Variants in TNFRSF21 observed in about 807,000 individuals in gnomAD.
The protein encoded by TNFRSF21 is tumor necrosis factor receptor superfamily member 21.
In TNFRSF21, 19 loss-of-function variants were observed where a neutral mutation model predicts 45.6. The ratio of observed to expected loss-of-function variants is 0.42; its 90% confidence interval spans 0.29 to 0.61. TNFRSF21 has a LOEUF of 0.61. Ranked by LOEUF, TNFRSF21 falls within the 20% of genes least tolerant of loss-of-function variation. The probability of loss-of-function intolerance (pLI) is 0.23; values close to 1 mark genes in which losing one functional copy is unlikely to be tolerated. For synonymous variants in TNFRSF21, 314 were observed against 335.5 expected, an observed-to-expected ratio of 0.94 and a Z score of 0.70; for missense variants, 737 against 851.5, an observed-to-expected ratio of 0.87 and a Z score of 1.67.
intron 4 of TNFRSF21, 58 bp from the exon 5 acceptor site, chr6:47,234,956 A>C (rs1764645169): frequency 8.7e-6 from 9 of 1,034,386 alleles, no homozygotes; most frequent in East Asian, 3.2e-5. Flanking sequence ...TAAAATTAAA[A>C]TCCCTCCTCA....
chr6:47,278,399 T>A (rs1042367960), intron 3 of TNFRSF21, among the ~76,000 whole-genome samples: 1 of 152,234 alleles, frequency 6.6e-6, no homozygotes, highest in African/African-American at 2.4e-5. Flanking sequence ...ATGTCCTTTA[T>A]CTGTCCTATC....
chr6:47,266,238 A>G (rs752451628), intron 3 of TNFRSF21, among the ~76,000 whole-genome samples: 22 of 152,320 alleles, frequency 1.4e-4, no homozygotes, highest in South Asian at 2.1e-4. Flanking sequence ...ACGACCCCCA[A>G]TAAAGACAAA....
Position 47,286,606 on chromosome 6 carries a change from C to T in TNFRSF21, c.97-11G>A. ...GCTAAGGAATCCAAGCTGAAAGAAA[C>T]AGAAGGGGAGGGAAAGGAACAAAAA... On this transcript the variant is annotated splice_polypyrimidine_tract_variant and intron_variant, in intron 1 of 5. Coordinates refer to ENST00000296861, the MANE Select transcript of TNFRSF21 (RefSeq NM_014452.5). The T allele has an allele frequency of 6.3e-7, 1 of 1,588,490 alleles. No individual in the cohort carries two copies. The highest frequency in any genetic ancestry group is 8.6e-7 in the Non-Finnish European group (1 of 1,163,194).
Position 47,232,673 on chromosome 6 carries a change from A to C in TNFRSF21, c.*92T>G, listed in dbSNP as rs999910152. ...CACACACACACAAACACACACACAC[A>C]CCCCAAACAACAAAAATCAGAAACA... is the stretch of plus-strand genomic sequence containing the variant. On this transcript the variant is annotated 3_prime_UTR_variant, in exon 6 of 6. Transcript: ENST00000296861. 24 of 1,132,958 alleles carry C rather than the reference A, an allele frequency of 2.1e-5. No homozygotes were observed. Among genetic ancestry groups the C allele is most frequent in the South Asian group, 8.4e-5 (6 of 71,412 alleles). The allele number at this position is 1,132,958 out of a possible 1,614,324, so 70.2% of individuals were successfully genotyped here.
intron 3 of TNFRSF21, among the ~76,000 whole-genome samples, chr6:47,268,141 G>T (rs1376528892): frequency 1.3e-5 from 2 of 152,226 alleles, no homozygotes; most frequent in Non-Finnish European, 2.9e-5. Flanking sequence ...CTGAGAGCCA[G>T]TCCAGGCTCC....
chr6:47,250,992 T>A (rs1193903895), intron 4 of TNFRSF21, among the ~76,000 whole-genome samples: 1 of 152,244 alleles, frequency 6.6e-6, no homozygotes, highest in Non-Finnish European at 1.5e-5. Context: ...GTATGTAAGG[T>A]ATATGTGAAA....
intron 3 of TNFRSF21, among the ~76,000 whole-genome samples, chr6:47,280,512 C>CA: frequency 6.6e-6 from 1 of 152,288 alleles, no homozygotes; most frequent in South Asian, 2.1e-4. Context: ...TATCCCAATG[C>CA]AAAAATCTGA....
intron 3 of TNFRSF21, among the ~76,000 whole-genome samples, chr6:47,282,815 G>T (rs998091227): frequency 2.4e-4 from 36 of 152,002 alleles, no homozygotes; most frequent in Admixed American, 2.4e-3. Flanking sequence ...ATAAAATCTT[G>T]AATGTCAACA....
At chr6:47,245,485 A>C (rs568849439) in intron 4 of TNFRSF21, among the ~76,000 whole-genome samples, 13 of 149,318 alleles carry the variant, frequency 8.7e-5, no homozygotes, top group African/African-American at 3.2e-4. Flanking sequence ...TGTGTTGGGC[A>C]GGGAGTGTAT....
At position 47,254,498 on chromosome 6, in the gene TNFRSF21, T is replaced by G. The variant is rs566867465; in HGVS notation, c.1244-977A>C. Among the ~76,000 whole-genome samples, 4 of 152,278 alleles carry G rather than the reference T, an allele frequency of 2.6e-5. No individual in the cohort carries two copies. The East Asian group carries it at 7.7e-4, about 29-fold the overall frequency. ...AATAGTAACCAAGTAAGTTAGAGGCTCCCATCTAAAAACATGGTGACTTCA... is the reference window on the plus strand; with the variant it reads ...AATAGTAACCAAGTAAGTTAGAGGCGCCCATCTAAAAACATGGTGACTTCA... On this transcript the variant is annotated intron_variant, in intron 3 of 5. Transcript: ENST00000296861.
In TNFRSF21 at chr6:47,291,410, C is replaced by T. The variant is rs573437903; in HGVS notation, c.97-4815G>A. ...GTATGCGGGAGAGTAGACAAGAAAA[C>T]CCAGTTAGAGGGTGAAAAACCAACA... On this transcript the variant is annotated intron_variant, in intron 1 of 5. Transcript: ENST00000296861. Among the ~76,000 whole-genome samples the T allele has an allele frequency of 3.3e-5, 5 of 151,340 alleles. No homozygotes were observed. In the South Asian group the frequency reaches 1.0e-3, roughly 31 times the overall value.
At chr6:47,303,462 T>C (rs1762900168) in intron 1 of TNFRSF21, among the ~76,000 whole-genome samples, 1 of 152,180 alleles carries the variant, frequency 6.6e-6, no homozygotes. Context: ...TTCCCACCAC[T>C]GCACACATCT....
At chr6:47,303,367 A>G (rs1211325336) in intron 1 of TNFRSF21, among the ~76,000 whole-genome samples, 1 of 152,190 alleles carries the variant, frequency 6.6e-6, no homozygotes, top group Admixed American at 6.5e-5. Flanking sequence ...ATAATTTTTA[A>G]ATATGAAGCC....
At chr6:47,242,200 T>A (rs1382789913) in intron 4 of TNFRSF21, among the ~76,000 whole-genome samples, 1 of 151,856 alleles carries the variant, frequency 6.6e-6, no homozygotes, top group Non-Finnish European at 1.5e-5. Flanking sequence ...GCCAAAAAAA[T>A]GCCAAAACCA....
rs1315656529 is a variant in TNFRSF21 at position 47,309,528 on chromosome 6, C to T, written c.-17G>A. ...GGTCCCCATGGCTGAACCGGGGACT[C>T]GCAGGGGCGCCCGGGGCGCGCGGGG... On this transcript the variant is annotated 5_prime_UTR_variant, in exon 1 of 6. Coordinates refer to ENST00000296861, the MANE Select transcript of TNFRSF21 (RefSeq NM_014452.5). 3 of 1,418,866 alleles carry T rather than the reference C, an allele frequency of 2.1e-6. No homozygotes were observed. Among genetic ancestry groups the T allele is most frequent in the Admixed American group, 3.1e-5 (1 of 31,770 alleles). The allele number at this position is 1,418,866 out of a possible 1,614,324, so 87.9% of individuals were successfully genotyped here.
At chr6:47,272,861 T>C (rs1762442938) in intron 3 of TNFRSF21, among the ~76,000 whole-genome samples, 1 of 152,124 alleles carries the variant, frequency 6.6e-6, no homozygotes, top group Non-Finnish European at 1.5e-5. Context: ...AAATACAAAC[T>C]ACCATCAGAG....
rs557634749 is a variant in TNFRSF21, at chr6:47,245,223, A to G, written c.1509+8033T>C. Among the ~76,000 whole-genome samples, 20 of 152,304 alleles carry G rather than the reference A, an allele frequency of 1.3e-4. No individual in the cohort carries two copies. The South Asian group carries it at 3.7e-3, about 28-fold the overall frequency. On this transcript the variant is annotated intron_variant, in intron 4 of 5. Coordinates refer to ENST00000296861, the MANE Select transcript of TNFRSF21 (RefSeq NM_014452.5). ...CCTCTGTATAGCAGCTTCACAGAAT[A>G]TATTCTCAAGTCTGGCTCACATATC...
At chr6:47,287,303 T>C (rs554323587) in intron 1 of TNFRSF21, among the ~76,000 whole-genome samples, 1 of 120,822 alleles carries the variant, frequency 8.3e-6, no homozygotes, top group African/African-American at 3.4e-5. Flanking sequence ...GTGAAACTCT[T>C]TCTCAAAAAA....
At chr6:47,280,315 T>C (rs547201345) in intron 3 of TNFRSF21, among the ~76,000 whole-genome samples, 4 of 152,184 alleles carry the variant, frequency 2.6e-5, no homozygotes, top group Non-Finnish European at 5.9e-5. Flanking sequence ...TTATACGGGA[T>C]TATCTGCTGG....
Sources: allele counts gnomAD v4.1 joint callset (sites outside exome capture counted in the v4.1 genomes callset), GRCh38; gene constraint gnomAD v4.1.1; transcripts MANE v1.5; gene names NCBI Gene and HGNC (gene_info 2026-07-23, HGNC 2026-07-21).